Variants in SETD6 observed in about 807,000 individuals in gnomAD.
SETD6 encodes the protein N-lysine methyltransferase SETD6.
SETD6 carries 67 observed loss-of-function variants against 52.7 expected under a neutral mutation model. The observed-to-expected ratio is 1.27, with a 90% confidence interval of 1.04 to 1.56. The LOEUF (loss-of-function observed/expected upper bound fraction) is 1.56, where lower values mean the gene tolerates loss of function less well. SETD6 is among the 40% of genes most tolerant of loss of function. The pLI, the probability that SETD6 is intolerant of heterozygous loss-of-function variation, is 0.00. For synonymous variants in SETD6, 307 were observed against 250.2 expected (o/e 1.23, Z -2.14); for missense variants, 712 against 607.5 (o/e 1.17, Z -1.81).
chr16:58,520,884 A>G lies in SETD6; in HGVS notation c.*1855A>G. ...GGGAAAGTCAGGAAGAGCTGAAAGGATTCTTCAGTCAGTTTATGAACTCGG... is the reference window on the plus strand; with the variant it reads ...GGGAAAGTCAGGAAGAGCTGAAAGGGTTCTTCAGTCAGTTTATGAACTCGG... On this transcript the variant is annotated 3_prime_UTR_variant, in exon 8 of 8. Transcript: ENST00000219315. 6.8e-7 allele frequency: 1 copy of G among 1,462,494 alleles called. No homozygotes were observed. Among genetic ancestry groups the G allele is most frequent in the Admixed American group, 1.7e-5 (1 of 59,696 alleles). 90.6% of individuals were successfully genotyped at this position (1,462,494 alleles called of 1,614,324 possible).
chr16:58,515,642 C>T (rs2039096064), intron 1 of SETD6, 78 bp downstream of exon 1: 1 of 1,420,628 alleles, frequency 7.0e-7, no homozygotes, highest in Non-Finnish European at 9.2e-7. Flanking sequence ...CCGCCTGCGC[C>T]CCCTCCGCTC....
At position 58,519,949 on chromosome 16, in the gene SETD6, T is replaced by C. The variant is rs2039305248; in HGVS notation, c.*920T>C. 6.6e-6 allele frequency: 1 copy of C among 151,772 alleles called. No homozygotes were observed. The highest frequency in any genetic ancestry group is 2.4e-5 in the African/African-American group (1 of 41,380). The allele number at this position is 151,772 out of a possible 1,614,324, so 9.4% of individuals were successfully genotyped here. On this transcript the variant is annotated 3_prime_UTR_variant, in exon 8 of 8. Transcript: ENST00000219315. ...TACTGAGAAAGGCACAGTGGACTCA[T>C]GTGTGTGTCATGACTTTAATGGTTA...
rs56149974 is a variant in SETD6, at chr16:58,522,237, C to CAAAAAAAAAAAAAAAAAAAAAAAAAA, written c.*3213_*3238dup. ...AGGAGGCGACAAAGCGAGACTGTCTCAAAAAAAAAAAAAAAAAAAAAAAAA... is the reference window on the plus strand; with the variant it reads ...AGGAGGCGACAAAGCGAGACTGTCTCAAAAAAAAAAAAAAAAAAAAAAAAAAAAAAAAAAAAAAAAAAAAAAAAAAA... On this transcript the variant is annotated 3_prime_UTR_variant, in exon 8 of 8. Transcript: ENST00000219315. 1.0e-5 allele frequency among the ~76,000 whole-genome samples: 1 copy of CAAAAAAAAAAAAAAAAAAAAAAAAAA among 98,556 alleles called. No individual in the cohort carries two copies. Among genetic ancestry groups the CAAAAAAAAAAAAAAAAAAAAAAAAAA allele is most frequent in the African/African-American group, 4.2e-5 (1 of 23,600 alleles). The allele number at this position is 98,556 out of a possible 152,430, so 64.7% of individuals were successfully genotyped here.
chr16:58,523,332 T>A lies in SETD6; in HGVS notation c.*4303T>A. On this transcript the variant is annotated 3_prime_UTR_variant, in exon 8 of 8. Coordinates refer to ENST00000219315, the MANE Select transcript of SETD6 (RefSeq NM_001160305.4). ...AAAAAAAAAGATGAAAGGGAGGAGA[T>A]CCTTTTGAAGCATTTAAAAAATAAG... is the stretch of plus-strand genomic sequence containing the variant. The A allele has an allele frequency of 6.5e-7, 1 of 1,529,506 alleles. No individual in the cohort carries two copies. The highest frequency in any genetic ancestry group is 8.8e-7 in the Non-Finnish European group (1 of 1,135,232). 94.7% of individuals were successfully genotyped at this position (1,529,506 alleles called of 1,614,324 possible). A position where few individuals can be genotyped will look rare whatever the true frequency, so the allele number is the denominator to read the frequency against.
Position 58,520,821 on chromosome 16 carries a change from A to G in SETD6, c.*1792A>G, listed in dbSNP as rs920745102. On this transcript the variant is annotated 3_prime_UTR_variant, in exon 8 of 8. Coordinates refer to ENST00000219315, the MANE Select transcript of SETD6 (RefSeq NM_001160305.4). ...CCACATAAGACAGGAGGCTGATCCC[A>G]ACAGTAGTTGGGGCAGATACCCACA... The G allele has an allele frequency of 3.4e-6, 3 of 884,722 alleles. No individual in the cohort carries two copies. The South Asian group carries it at 4.6e-5, about 14-fold the overall frequency. The allele number at this position is 884,722 out of a possible 1,614,324, so 54.8% of individuals were successfully genotyped here. A position where few individuals can be genotyped will look rare whatever the true frequency, so the allele number is the denominator to read the frequency against.
In SETD6 at chr16:58,521,778, C is replaced by A. The variant is rs902147665; in HGVS notation, c.*2749C>A. ...ACCAGCCTGGCCAACATGGTGAAACCCCATCTCTGCTACAAATATAAAAAT... is the reference window on the plus strand; with the variant it reads ...ACCAGCCTGGCCAACATGGTGAAACACCATCTCTGCTACAAATATAAAAAT... On this transcript the variant is annotated 3_prime_UTR_variant, in exon 8 of 8. Transcript: ENST00000219315. 6.6e-6 allele frequency among the ~76,000 whole-genome samples: 1 copy of A among 151,852 alleles called. No individual in the cohort carries two copies. The highest frequency in any genetic ancestry group is 2.4e-5 in the African/African-American group (1 of 41,330).
In SETD6 at chr16:58,520,550, C is replaced by G. The variant is rs547039175; in HGVS notation, c.*1521C>G. 4 of 183,660 alleles carry G rather than the reference C, an allele frequency of 2.2e-5. No homozygotes were observed. The highest frequency in any genetic ancestry group is 1.3e-4 in the East Asian group (1 of 7,442). The allele number at this position is 183,660 out of a possible 1,614,324, so 11.4% of individuals were successfully genotyped here. A position where few individuals can be genotyped will look rare whatever the true frequency, so the allele number is the denominator to read the frequency against. On this transcript the variant is annotated 3_prime_UTR_variant, in exon 8 of 8. Coordinates refer to ENST00000219315, the MANE Select transcript of SETD6 (RefSeq NM_001160305.4). ...ATATTCAAACTGGCTTTTTGCTATT[C>G]TTTGGGACACCAGGAATGTCAGAAG...
rs140667031 is a variant in SETD6, at chr16:58,521,717, C to T, written c.*2688C>T. On this transcript the variant is annotated 3_prime_UTR_variant, in exon 8 of 8. Transcript: ENST00000219315. ...CCTGTAATCCAGCACTTTGGGAGGC[C>T]GAGGCAGGTGGATCACCTGAGGTCA... Among the ~76,000 whole-genome samples, 1,962 of 152,160 alleles carry T rather than the reference C, an allele frequency of 0.013. 44 individuals carry two copies. The highest frequency in any genetic ancestry group is 0.046 in the African/African-American group (1,888 of 41,490).
In SETD6 at chr16:58,518,043, C is replaced by T; in HGVS notation, c.793-8C>T. The T allele has an allele frequency of 6.2e-7, 1 of 1,614,172 alleles. No individual in the cohort carries two copies. The highest frequency in any genetic ancestry group is 8.5e-7 in the Non-Finnish European group (1 of 1,180,044). Reference sequence around the variant, plus strand: ...AGGCATGGCCCCAGCTTCTCCCTTTCACCTCAGAATTGTCTTCGGATGGTA... The same window carrying T: ...AGGCATGGCCCCAGCTTCTCCCTTTTACCTCAGAATTGTCTTCGGATGGTA... On this transcript the variant is annotated splice_region_variant and splice_polypyrimidine_tract_variant and intron_variant, in intron 5 of 7. Coordinates refer to ENST00000219315, the MANE Select transcript of SETD6 (RefSeq NM_001160305.4).
rs1280000014 is a variant in SETD6, at chr16:58,515,543, G to T, written c.6G>T (p.Ala2=). The T allele has an allele frequency of 6.3e-7, 1 of 1,588,382 alleles. No homozygotes were observed. Among genetic ancestry groups the T allele is most frequent in the East Asian group, 2.3e-5 (1 of 42,664 alleles). The change falls in exon 1 of 8, where the codon GCG becomes GCT. Residue 2 remains alanine (A), a synonymous_variant. Coordinates refer to ENST00000219315, the MANE Select transcript of SETD6 (RefSeq NM_001160305.4). M[A]TQAKRPRVAG... ...AGGAAACGCGCTCTTAGACCATGGC[G>T]ACCCAGGCGAAGCGTCCACGGGTGA... is the stretch of plus-strand genomic sequence containing the variant.
Position 58,518,872 on chromosome 16 carries a change from T to G in SETD6, c.1265T>G (p.Leu422Arg). The change falls in exon 8 of 8, where the codon CTG becomes CGG. Residue 422 changes from leucine (L) to arginine (R), a missense_variant. By Grantham distance (102) the Leu-to-Arg change is moderately radical. Coordinates refer to ENST00000219315, the MANE Select transcript of SETD6 (RefSeq NM_001160305.4). ...WRQLLQNSVL[L>R]TLQTYATDLK... The stretch of plus-strand genomic sequence containing the variant: ...CAGCTGCTTCAAAACAGTGTTCTAC[T>G]GACTTTGCAGACCTATGCCACAGAC... The G allele has an allele frequency of 6.2e-7, 1 of 1,614,220 alleles. No individual in the cohort carries two copies. The highest frequency in any genetic ancestry group is 8.5e-7 in the Non-Finnish European group (1 of 1,180,046).
chr16:58,518,373 G>A (rs765630131), intron 6 of SETD6, 28 bp from the exon 7 acceptor site: 23 of 1,581,410 alleles, frequency 1.5e-5, no homozygotes, highest in Non-Finnish European at 2.0e-5. Flanking sequence ...GGTGTACTGA[G>A]ACTTTCACAT....
At position 58,520,742 on chromosome 16, in the gene SETD6, T is replaced by C. The variant is rs989374878; in HGVS notation, c.*1713T>C. ...CAAGTTCAAAATGATATTCACAGCA[T>C]CTTCTAAATTTTGGCCAAGAGTCAA... On this transcript the variant is annotated 3_prime_UTR_variant, in exon 8 of 8. Coordinates refer to ENST00000219315, the MANE Select transcript of SETD6 (RefSeq NM_001160305.4). 16 of 567,326 alleles carry C rather than the reference T, an allele frequency of 2.8e-5. No homozygotes were observed. Among genetic ancestry groups the C allele is most frequent in the Non-Finnish European group, 4.4e-5 (14 of 317,372 alleles). The allele number at this position is 567,326 out of a possible 1,614,324, so 35.1% of individuals were successfully genotyped here.
At position 58,522,932 on chromosome 16, in the gene SETD6, C is replaced by G. The variant is rs1379198130; in HGVS notation, c.*3903C>G. On this transcript the variant is annotated 3_prime_UTR_variant, in exon 8 of 8. Coordinates refer to ENST00000219315, the MANE Select transcript of SETD6 (RefSeq NM_001160305.4). ...TCACAATTGTATCCCACATTTAACA[C>G]ATTATTGGACATGTAAAAGATTTTC... The G allele has an allele frequency of 6.5e-6, 1 of 153,044 alleles. No individual in the cohort carries two copies. Among genetic ancestry groups the G allele is most frequent in the African/African-American group, 2.4e-5 (1 of 41,456 alleles). The allele number at this position is 153,044 out of a possible 1,614,324, so 9.5% of individuals were successfully genotyped here.
In SETD6 at chr16:58,521,450, G is replaced by C. The variant is rs1045942200; in HGVS notation, c.*2421G>C. 3.6e-6 allele frequency: 3 copies of C among 841,326 alleles called. No individual in the cohort carries two copies. Among genetic ancestry groups the C allele is most frequent in the African/African-American group, 3.4e-5 (2 of 58,156 alleles). The allele number at this position is 841,326 out of a possible 1,614,324, so 52.1% of individuals were successfully genotyped here. A position where few individuals can be genotyped will look rare whatever the true frequency, so the allele number is the denominator to read the frequency against. On this transcript the variant is annotated 3_prime_UTR_variant, in exon 8 of 8. Transcript: ENST00000219315. Reference sequence around the variant, plus strand: ...AAAGTTTTCACCTTTAGTAAAGACAGGTGGATTAATATACTCCAAATAGCA... The same window carrying C: ...AAAGTTTTCACCTTTAGTAAAGACACGTGGATTAATATACTCCAAATAGCA...
rs548159450 is a variant in SETD6, at chr16:58,522,217, G to A, written c.*3188G>A. Among the ~76,000 whole-genome samples, 42 of 128,846 alleles carry A rather than the reference G, an allele frequency of 3.3e-4. No homozygotes were observed. The highest frequency in any genetic ancestry group is 1.3e-3 in the African/African-American group (40 of 31,186). The allele number at this position is 128,846 out of a possible 152,430, so 84.5% of individuals were successfully genotyped here. A position where few individuals can be genotyped will look rare whatever the true frequency, so the allele number is the denominator to read the frequency against. ...GCCTGTAATCCCAGCTACTCAGGAGGCGACAAAGCGAGACTGTCTCAAAAA... is the reference window on the plus strand; with the variant it reads ...GCCTGTAATCCCAGCTACTCAGGAGACGACAAAGCGAGACTGTCTCAAAAA... On this transcript the variant is annotated 3_prime_UTR_variant, in exon 8 of 8. Coordinates refer to ENST00000219315, the MANE Select transcript of SETD6 (RefSeq NM_001160305.4).
At position 58,515,530 on chromosome 16, in the gene SETD6, C is replaced by T. The variant is rs2039085239; in HGVS notation, c.-8C>T. On this transcript the variant is annotated 5_prime_UTR_variant, in exon 1 of 8. Coordinates refer to ENST00000219315, the MANE Select transcript of SETD6 (RefSeq NM_001160305.4). ...GCGCCGGCCCGCGAGGAAACGCGCT[C>T]TTAGACCATGGCGACCCAGGCGAAG... The T allele has an allele frequency of 1.9e-6, 3 of 1,587,892 alleles. No homozygotes were observed. The highest frequency in any genetic ancestry group is 2.3e-5 in the East Asian group (1 of 42,662).
intron 6 of SETD6, 69 bp from the exon 7 acceptor site, chr16:58,518,332 G>A (rs1404191919): frequency 1.3e-6 from 2 of 1,590,384 alleles, no homozygotes; most frequent in Middle Eastern, 1.7e-4. Flanking sequence ...TTGTAGACTG[G>A]GTGGCAGACT....
rs775811428 is a variant in SETD6 at position 58,518,023 on chromosome 16, T to TG, written c.793-26dup. The TG allele has an allele frequency of 2.2e-5, 35 of 1,613,962 alleles. 1 individual carries two copies. In the South Asian group the frequency reaches 3.8e-4, roughly 18 times the overall value. ...TCATGGGGCTGGCCCGTGAAAGGCATGGCCCCAGCTTCTCCCTTTCACCTC... is the reference window on the plus strand; with the variant it reads ...TCATGGGGCTGGCCCGTGAAAGGCATGGGCCCCAGCTTCTCCCTTTCACCTC... On this transcript the variant is annotated intron_variant, in intron 5 of 7. Transcript: ENST00000219315.
Sources: allele counts gnomAD v4.1 joint callset (sites outside exome capture counted in the v4.1 genomes callset), GRCh38; gene constraint gnomAD v4.1.1; transcripts MANE v1.5; gene names NCBI Gene and HGNC (gene_info 2026-07-23, HGNC 2026-07-21).